Variants in CNBD2 observed in about 807,000 individuals in gnomAD.
CNBD2 encodes the protein cyclic nucleotide binding domain containing 2, also known as cyclic nucleotide-binding domain-containing protein 2.
In CNBD2, 64 loss-of-function variants were observed where a neutral mutation model predicts 63.7. That is an observed-to-expected ratio of 1.00 (90% CI 0.82 to 1.24). CNBD2 has a LOEUF of 1.24. Among genes scored for constraint, CNBD2 ranks in the 50% most tolerant of loss-of-function variants. The pLI, the probability that CNBD2 is intolerant of heterozygous loss-of-function variation, is 0.00. For missense variants in CNBD2, 691 were observed against 713.5 expected (o/e 0.97, Z 0.36); for synonymous variants, 229 against 255.4 (o/e 0.90, Z 0.99).
chr20:36,027,886 G>A (rs1165756496), intron 11 of CNBD2, among the ~76,000 whole-genome samples: 3 of 151,984 alleles, frequency 2.0e-5, no homozygotes, highest in Non-Finnish European at 4.4e-5. Flanking sequence ...GGCTGGTCTC[G>A]AACTCCCAAC....
chr20:35,997,165 G>A (rs1259899998), intron 8 of CNBD2, among the ~76,000 whole-genome samples: 1 of 151,994 alleles, frequency 6.6e-6, no homozygotes, highest in African/African-American at 2.4e-5. Flanking sequence ...TTGGGTCAAG[G>A]ACCCCAGCCC....
chr20:36,022,444 C>T (rs1309268180), intron 10 of CNBD2, among the ~76,000 whole-genome samples: 1 of 151,528 alleles, frequency 6.6e-6, no homozygotes, highest in Non-Finnish European at 1.5e-5. Flanking sequence ...GTGATCCACC[C>T]GCCTCAGCCT....
chr20:35,984,076 GAT>G lies in CNBD2; in HGVS notation c.503_504del (p.Asp168GlyfsTer17), dbSNP rs746781457. 6.2e-7 allele frequency: 1 copy of G among 1,614,014 alleles called. No homozygotes were observed. The highest frequency in any genetic ancestry group is 8.5e-7 in the Non-Finnish European group (1 of 1,179,928). ...CACAGTTGCAATAACCAAGGACGAG[GAT>G]GGCAGCAGTGCCTTCCTAGATCCCC... ...LGTVAITKDE[D>X]GSSAFLDPHP... On this transcript the variant is annotated frameshift_variant, in exon 5 of 12. Transcript: ENST00000373973. LOFTEE classifies it high-confidence loss of function.
At chr20:35,978,346 T>A (rs2056549469) in intron 3 of CNBD2, among the ~76,000 whole-genome samples, 2 of 144,106 alleles carry the variant, frequency 1.4e-5, no homozygotes, top group Admixed American at 1.4e-4. Context: ...CCTGGCTAAT[T>A]TTTTTTTTTT....
chr20:35,978,139 T>C lies in CNBD2; in HGVS notation c.243+2137T>C, dbSNP rs148602204. On this transcript the variant is annotated intron_variant, in intron 3 of 11. Transcript: ENST00000373973. Reference sequence around the variant, plus strand: ...ACACTGAGTGAAGAAAAGCAAATTGTGCAAGTGATGTCTACAGTCTTGACA... The same window carrying C: ...ACACTGAGTGAAGAAAAGCAAATTGCGCAAGTGATGTCTACAGTCTTGACA... Among the ~76,000 whole-genome samples, 813 of 152,300 alleles carry C rather than the reference T, an allele frequency of 5.3e-3. 6 individuals are homozygous for C. Among genetic ancestry groups the C allele is most frequent in the African/African-American group, 0.019 (786 of 41,574 alleles).
intron 10 of CNBD2, among the ~76,000 whole-genome samples, chr20:36,019,183 G>A (rs1389459125): frequency 6.6e-6 from 1 of 152,156 alleles, no homozygotes; most frequent in African/African-American, 2.4e-5. Context: ...GCTAAGGGAA[G>A]TCTGCTGTGA....
At chr20:36,010,990 G>A in intron 9 of CNBD2, 147 bp from the exon 10 acceptor site, 1 of 815,390 alleles carries the variant, frequency 1.2e-6, no homozygotes, top group Non-Finnish European at 1.7e-6. Context: ...GTCAGGGCTT[G>A]ATTTTGAGTT....
chr20:36,004,190 G>T (rs1453281009), intron 8 of CNBD2, among the ~76,000 whole-genome samples: 1 of 152,186 alleles, frequency 6.6e-6, no homozygotes, highest in Non-Finnish European at 1.5e-5. Context: ...TTACACAAGT[G>T]TGTGACTAGT....
rs373645370 is a variant in CNBD2 at position 35,986,330 on chromosome 20, GT to G, written c.717-1055del. On this transcript the variant is annotated intron_variant, in intron 6 of 11. Coordinates refer to ENST00000373973, the MANE Select transcript of CNBD2 (RefSeq NM_001365709.1). ...GGATTTAGTCCTAAAGGGAGGAGCT[GT>G]TTTTTTTTTCCATACTGTGGAAAAA... Among the ~76,000 whole-genome samples, 824 of 149,418 alleles carry G rather than the reference GT, an allele frequency of 5.5e-3. 6 individuals carry two copies. The highest frequency in any genetic ancestry group is 0.019 in the African/African-American group (789 of 40,768).
At chr20:35,977,396 G>A (rs1348877498) in intron 3 of CNBD2, among the ~76,000 whole-genome samples, 1 of 152,186 alleles carries the variant, frequency 6.6e-6, no homozygotes, top group Non-Finnish European at 1.5e-5. Context: ...TTGGCCAGAT[G>A]TGCTAGCTCA....
intron 2 of CNBD2, among the ~76,000 whole-genome samples, chr20:35,975,369 C>T (rs1324964730): frequency 3.6e-5 from 4 of 111,722 alleles, no homozygotes; most frequent in Admixed American, 8.8e-5. Flanking sequence ...GGCGCGATCT[C>T]GGCTCACTGC....
rs377175936 is a variant in CNBD2 at position 35,995,374 on chromosome 20, G to A, written c.970+222G>A. On this transcript the variant is annotated intron_variant, in intron 8 of 11. Transcript: ENST00000373973. ...CCTTTTGCTGTTTAGGTTCTCCCAC[G>A]TGACCATCAACTCCTTGCCTCACAT... Among the ~76,000 whole-genome samples, 29 of 151,088 alleles carry A rather than the reference G, an allele frequency of 1.9e-4. No individual in the cohort carries two copies. In the East Asian group the frequency reaches 3.9e-3, roughly 20 times the overall value.
intron 2 of CNBD2, among the ~76,000 whole-genome samples, chr20:35,975,195 G>C (rs1468351931): frequency 2.2e-5 from 3 of 134,324 alleles, no homozygotes; most frequent in South Asian, 2.3e-4. Context: ...TAGAGACGGG[G>C]TTTCACCTTG....
chr20:35,971,859 A>G (rs982022206), intron 1 of CNBD2, among the ~76,000 whole-genome samples: 3 of 152,088 alleles, frequency 2.0e-5, no homozygotes, highest in African/African-American at 4.8e-5. Context: ...TGAAGAAACT[A>G]GGTTCATTGA....
intron 10 of CNBD2, among the ~76,000 whole-genome samples, chr20:36,013,342 C>A (rs113316650): frequency 0.012 from 1,809 of 151,610 alleles, 29 homozygotes; most frequent in African/African-American, 0.041. Flanking sequence ...TGCTTGAACC[C>A]GGGAGTTGGA....
upstream of CNBD2, chr20:35,954,554 G>T: frequency 1.3e-5 from 20 of 1,494,232 alleles, no homozygotes; most frequent in Non-Finnish European, 1.8e-5. Flanking sequence ...TCCCGGAAGC[G>T]GCGCCCTCTA....
At chr20:35,998,484 A>G (rs533356532) in intron 8 of CNBD2, among the ~76,000 whole-genome samples, 1 of 152,282 alleles carries the variant, frequency 6.6e-6, no homozygotes, top group Non-Finnish European at 1.5e-5. Context: ...TTTGGGGTGC[A>G]GTGTTCTATG....
chr20:35,968,324 A>T (rs1022958147), upstream of CNBD2, among the ~76,000 whole-genome samples: 3 of 151,946 alleles, frequency 2.0e-5, no homozygotes, highest in African/African-American at 4.8e-5. Flanking sequence ...AGGGATGGGG[A>T]CAGCTAGGGG....
At chr20:35,954,766 T>A in exon 1 of CNBD2, 2 of 505,682 alleles carry the variant, frequency 4.0e-6, no homozygotes, top group Non-Finnish European at 6.5e-6. Flanking sequence ...GACCTTTGCG[T>A]GCGGGCGCCC....
Sources: allele counts gnomAD v4.1 joint callset (sites outside exome capture counted in the v4.1 genomes callset), GRCh38; gene constraint gnomAD v4.1.1; transcripts MANE v1.5; gene names NCBI Gene and HGNC (gene_info 2026-07-23, HGNC 2026-07-21).